TRRAP: variants seen among roughly 807,000 people sequenced by gnomAD.
TRRAP encodes transformation/transcription domain-associated protein.
In TRRAP, 41 loss-of-function variants were observed where a neutral mutation model predicts 438.8. The observed-to-expected ratio is 0.09, with a 90% CI of 0.07 to 0.12. TRRAP has a LOEUF of 0.12. TRRAP is among the 10% of genes least tolerant of loss of function. The pLI is 1.00. For synonymous variants in TRRAP, 1,994 were observed against 1,962.9 expected, an observed-to-expected ratio of 1.02 and a Z score of -0.42; for missense variants, 3,122 against 5,055.1, an observed-to-expected ratio of 0.62 and a Z score of 11.60.
At chr7:98,880,247 TTTG>T (rs1380050615) in intron 1 of TRRAP, among the ~76,000 whole-genome samples, 2 of 120,018 alleles carry the variant, frequency 1.7e-5, no homozygotes, top group African/African-American at 5.7e-5. Context: ...CTGCCTGCGT[TTTG>T]TTGTTGTTGT....
At chr7:98,940,271 C>T (rs1194984897) in intron 30 of TRRAP, among the ~76,000 whole-genome samples, 1 of 152,052 alleles carries the variant, frequency 6.6e-6, no homozygotes, top group African/African-American at 2.4e-5. Flanking sequence ...TCACTGGAAC[C>T]TCTGCCACCT....
At chr7:98,916,681 A>C (rs1789532580) in intron 19 of TRRAP, among the ~76,000 whole-genome samples, 1 of 152,166 alleles carries the variant, frequency 6.6e-6, no homozygotes, top group South Asian at 2.1e-4. Flanking sequence ...GCCCCTGTTC[A>C]CACAGTCTGA....
At chr7:98,958,933 A>G (rs533882555) in intron 44 of TRRAP, among the ~76,000 whole-genome samples, 49 of 152,328 alleles carry the variant, frequency 3.2e-4, no homozygotes, top group African/African-American at 1.2e-3. Context: ...ACCATTGTAA[A>G]TGAAATTTTC....
At position 98,924,178 on chromosome 7, in the gene TRRAP, C is replaced by T. The variant is rs557150916; in HGVS notation, c.2824-934C>T. ...AACCCAGCAAATCTTCCACAAGAGG[C>T]TCTCCGAGCTCACTTAGTTCCTGTA... is the stretch of plus-strand genomic sequence containing the variant. On this transcript the variant is annotated intron_variant, in intron 21 of 72. Coordinates refer to ENST00000456197, the MANE Select transcript of TRRAP (RefSeq NM_001375524.1). Among the ~76,000 whole-genome samples the T allele has an allele frequency of 1.5e-3, 226 of 152,332 alleles. 1 individual carries two copies. Among genetic ancestry groups the T allele is most frequent in the African/African-American group, 5.1e-3 (213 of 41,588 alleles).
intron 3 of TRRAP, among the ~76,000 whole-genome samples, chr7:98,882,906 G>T (rs1312945550): frequency 6.6e-6 from 1 of 152,214 alleles, no homozygotes; most frequent in Non-Finnish European, 1.5e-5. Context: ...TGATCCTCCT[G>T]CCTTGGCCTC....
At chr7:98,996,960 C>T (rs1793690018) in intron 67 of TRRAP, among the ~76,000 whole-genome samples, 1 of 151,786 alleles carries the variant, frequency 6.6e-6, no homozygotes, top group Admixed American at 6.6e-5. Context: ...TGGACACACA[C>T]CTAAAACAGT....
chr7:98,988,291 G>A (rs1319600569), intron 62 of TRRAP, among the ~76,000 whole-genome samples: 1 of 152,208 alleles, frequency 6.6e-6, no homozygotes. Context: ...ACCCAGAAGT[G>A]TTGAAACAAA....
intron 7 of TRRAP, among the ~76,000 whole-genome samples, chr7:98,896,555 G>A (rs1220981708): frequency 2.0e-5 from 3 of 152,080 alleles, no homozygotes; most frequent in African/African-American, 4.8e-5. Flanking sequence ...GATTACAGGC[G>A]TGCGGCACCC....
chr7:98,949,943 T>G, intron 37 of TRRAP, 102 bp downstream of exon 37: 1 of 1,566,960 alleles, frequency 6.4e-7, no homozygotes, highest in East Asian at 2.2e-5. Context: ...ATTGGATGCG[T>G]GCAGTCAGAT....
In TRRAP at chr7:98,949,292, G is replaced by A. The variant is rs1269535419; in HGVS notation, c.4789-125G>A. 5 of 1,186,504 alleles carry A rather than the reference G, an allele frequency of 4.2e-6. No homozygotes were observed. The African/African-American group carries it at 6.4e-5, about 15-fold the overall frequency. The allele number at this position is 1,186,504 out of a possible 1,614,324, so 73.5% of individuals were successfully genotyped here. On this transcript the variant is annotated intron_variant, in intron 35 of 72. Coordinates refer to ENST00000456197, the MANE Select transcript of TRRAP (RefSeq NM_001375524.1). ...AAAGCATGCGTGTGGTGCTTTTTTG[G>A]TAAGCCTTCTTTGAGAGATTTAGAA... is the stretch of plus-strand genomic sequence containing the variant.
intron 4 of TRRAP, 26 bp downstream of exon 4, chr7:98,890,471 G>A (rs1554404659): frequency 1.3e-6 from 2 of 1,511,894 alleles, no homozygotes; most frequent in Non-Finnish European, 8.9e-7. Flanking sequence ...AACATGAGAA[G>A]ACAAGGGTGC....
rs745582415 is a variant in TRRAP at position 98,971,972 on chromosome 7, G to A, written c.7839+27G>A. On this transcript the variant is annotated intron_variant, in intron 53 of 72. Transcript: ENST00000456197. ...TCTGTACGCAGCTTGGAAAGGATTC[G>A]TTGCTTTCCTCCCATGGACAGTTCA... 1.1e-5 allele frequency: 18 copies of A among 1,610,610 alleles called. No homozygotes were observed. The East Asian group carries it at 1.8e-4, about 16-fold the overall frequency.
chr7:98,966,994 G>T, intron 49 of TRRAP, 47 bp from the exon 50 acceptor site: 1 of 1,579,846 alleles, frequency 6.3e-7, no homozygotes. Flanking sequence ...TACTAGAGCA[G>T]ATGGTTGAAA....
intron 17 of TRRAP, among the ~76,000 whole-genome samples, 166 bp downstream of exon 17, chr7:98,911,437 A>G (rs111563776): frequency 1.3e-5 from 2 of 152,246 alleles, no homozygotes; most frequent in African/African-American, 4.8e-5. Flanking sequence ...AACAATTCTT[A>G]AAAGATTCAA....
chr7:98,958,714 TG>T (rs1249469211), intron 44 of TRRAP, among the ~76,000 whole-genome samples: 8 of 152,322 alleles, frequency 5.3e-5, no homozygotes, highest in Admixed American at 3.9e-4. Flanking sequence ...TGATCTCGGC[TG>T]ATCATTTAAC....
chr7:98,883,008 A>T (rs1554403406), intron 3 of TRRAP, among the ~76,000 whole-genome samples: 1 of 152,300 alleles, frequency 6.6e-6, no homozygotes, highest in East Asian at 1.9e-4. Context: ...AGGTAATTTG[A>T]TGGTGTATTC....
At chr7:98,931,782 C>T in intron 26 of TRRAP, 117 bp downstream of exon 26, 1 of 1,438,764 alleles carries the variant, frequency 7.0e-7, no homozygotes, top group Non-Finnish European at 9.3e-7. Context: ...TCTGTGGGGC[C>T]TTGGTTCCAG....
In TRRAP at chr7:98,956,295, G is replaced by C. The variant is rs782782842; in HGVS notation, c.6087G>C (p.Lys2029Asn). Residue 2029 changes from lysine (K) to asparagine (N), a missense_variant, in exon 42 of 73, where the codon AAG (lysine) becomes AAC (asparagine). Lys to Asn is a moderately conservative substitution (Grantham distance 94, BLOSUM62 0). This residue lies in a region of TRRAP where 992 missense variants were observed against 1,281.2 expected (regional missense o/e 0.77). Coordinates refer to ENST00000456197, the MANE Select transcript of TRRAP (RefSeq NM_001375524.1). The surrounding 1 kb of genome is among the most constrained non-coding windows in gnomAD (Gnocchi z 4.5). ...TCAAGTGGGAGCTGCAGAGGATCAAGGACCAGCAGGTAGGGGTGTCAGCCT... is the reference window on the plus strand; with the variant it reads ...TCAAGTGGGAGCTGCAGAGGATCAACGACCAGCAGGTAGGGGTGTCAGCCT... ...VVIKWELQRI[K>N]DQQPDSDMDP... 10 of 1,614,112 alleles carry C rather than the reference G, an allele frequency of 6.2e-6. No homozygotes were observed. The highest frequency in any genetic ancestry group is 8.5e-6 in the Non-Finnish European group (10 of 1,180,040).
Position 98,970,105 on chromosome 7 carries a change from C to CT in TRRAP, c.7513-5dup. The stretch of plus-strand genomic sequence containing the variant: ...TTGGGTCTGTCTCCTTTCCGCACCC[C>CT]TTGCAGCTGCTTCTGGCCGTGTGTG... On this transcript the variant is annotated splice_region_variant and splice_polypyrimidine_tract_variant and intron_variant, in intron 51 of 72. Transcript: ENST00000456197. 1.9e-6 allele frequency: 3 copies of CT among 1,613,504 alleles called. No homozygotes were observed. The highest frequency in any genetic ancestry group is 2.5e-6 in the Non-Finnish European group (3 of 1,179,790).
Sources: allele counts gnomAD v4.1 joint callset (sites outside exome capture counted in the v4.1 genomes callset), GRCh38; gene constraint gnomAD v4.1.1; regional missense constraint gnomAD v4.1.1; non-coding constraint Gnocchi (gnomAD v3.1); transcripts MANE v1.5; gene names NCBI Gene and HGNC (gene_info 2026-07-23, HGNC 2026-07-21).